ZSCAN29: variants seen among roughly 807,000 people sequenced by gnomAD.
ZSCAN29 encodes zinc finger and SCAN domain-containing protein 29.
In ZSCAN29, 55 loss-of-function variants were observed where a neutral mutation model predicts 71.9. That is an observed-to-expected ratio of 0.76 (90% CI 0.62 to 0.96). The LOEUF (loss-of-function observed/expected upper bound fraction) is 0.96. Among genes scored for constraint, ZSCAN29 ranks in the 40% least tolerant of loss-of-function variants. The pLI, the probability that ZSCAN29 is intolerant of heterozygous loss-of-function variation, is 0.00. For missense variants in ZSCAN29, 1,042 were observed against 1,042.2 expected (o/e 1.00, Z 0.00); for synonymous variants, 351 against 371.6 (o/e 0.94, Z 0.64).
rs2044066370 is a variant in ZSCAN29, at chr15:43,368,942, G to C, written c.504C>G (p.Leu168=). ...PQEQMNPKEK[L]KPFQRSGLPF... is the part of the protein sequence containing the mutation. ...CCTCACCGCTCCTTTGAAAAGGTTT[G>C]AGCTTCTCCTTTGGGTTCATCTGCT... is the stretch of plus-strand genomic sequence containing the variant. Residue 168 remains leucine (L), a synonymous_variant, in exon 3 of 6, where the codon CTC becomes CTG. Transcript: ENST00000684362. The C allele has an allele frequency of 6.2e-7, 1 of 1,607,676 alleles. No homozygotes were observed. Among genetic ancestry groups the C allele is most frequent in the African/African-American group, 1.3e-5 (1 of 74,652 alleles).
At position 43,368,453 on chromosome 15, in the gene ZSCAN29, G is replaced by A. The variant is rs1197446892; in HGVS notation, c.523+470C>T. 3.5e-5 allele frequency among the ~76,000 whole-genome samples: 2 copies of A among 56,948 alleles called. 1 individual carries two copies. The highest frequency in any genetic ancestry group is 1.2e-3 in the East Asian group (2 of 1,736). 37.4% of individuals were successfully genotyped at this position (56,948 alleles called of 152,430 possible). A position where few individuals can be genotyped will look rare whatever the true frequency, so the allele number is the denominator to read the frequency against. On this transcript the variant is annotated intron_variant, in intron 3 of 5. Coordinates refer to ENST00000684362, the MANE Select transcript of ZSCAN29 (RefSeq NM_001372080.1). ...AGGCAGGAGAATGGCGTGAACCCGG[G>A]AGGCGGAGCTTGCAGTGAGCCGAGA... is the stretch of plus-strand genomic sequence containing the variant.
intron 4 of ZSCAN29, among the ~76,000 whole-genome samples, chr15:43,365,754 CAATA>C (rs2044030047): frequency 1.1e-5 from 1 of 88,126 alleles, no homozygotes; most frequent in Admixed American, 1.0e-4. Flanking sequence ...ATGACATACT[CAATA>C]AACACTGGTT....
At position 43,366,274 on chromosome 15, in the gene ZSCAN29, A is replaced by G. The variant is rs557927379; in HGVS notation, c.1058T>C (p.Val353Ala). The G allele has an allele frequency of 1.1e-4, 171 of 1,613,132 alleles. No homozygotes were observed. The Admixed American group carries it at 2.8e-3, about 26-fold the overall frequency. The change falls in exon 4 of 6, where the codon GTA becomes GCA. Residue 353 changes from valine to alanine, a missense_variant. Transcript: ENST00000684362. ...LEAAASHSGL[V>A]GSDAETEEPG... ...CTCTTCAGTCTCAGCATCGCTGCCT[A>G]CCAGGCCAGAGTGAGAGGCTGCTGC... is the stretch of plus-strand genomic sequence containing the variant.
At chr15:43,369,476 A>T (rs1197632011) in intron 2 of ZSCAN29, 120 bp downstream of exon 2, 2 of 1,160,094 alleles carry the variant, frequency 1.7e-6, no homozygotes, top group Non-Finnish European at 2.4e-6. Flanking sequence ...TACCTATACC[A>T]GACCAGAAGT....
rs10708474 is a variant in ZSCAN29 at position 43,362,994 on chromosome 15, C to CT, written c.1690+920dup. Among the ~76,000 whole-genome samples, 792 of 145,958 alleles carry CT rather than the reference C, an allele frequency of 5.4e-3. 4 individuals are homozygous for CT. The highest frequency in any genetic ancestry group is 0.013 in the African/African-American group (516 of 40,096). ...ATAAGCAAACTTGGGGGTTAAGTAA[C>CT]TTTTTTTTTTTTTTCATTCGTTGCC... On this transcript the variant is annotated intron_variant, in intron 5 of 5. Transcript: ENST00000684362.
chr15:43,365,986 GAGA>G, intron 4 of ZSCAN29, 121 bp downstream of exon 4: 1 of 863,808 alleles, frequency 1.2e-6, no homozygotes, highest in South Asian at 1.8e-5. Context: ...ACAAAGAATG[GAGA>G]AGCACTTCTT....
Position 43,360,100 on chromosome 15 carries a change from G to T in ZSCAN29, c.*973C>A, listed in dbSNP as rs1030035235. 9 of 152,352 alleles carry T rather than the reference G, an allele frequency of 5.9e-5. No homozygotes were observed. Among genetic ancestry groups the T allele is most frequent in the African/African-American group, 1.7e-4 (7 of 41,574 alleles). 9.4% of individuals were successfully genotyped at this position (152,352 alleles called of 1,614,324 possible). ...GCAGTGGCTCACACCTGTAATCCCA[G>T]CACTTTGGGAGACCTAGGCAGGCAG... On this transcript the variant is annotated 3_prime_UTR_variant, in exon 6 of 6. Coordinates refer to ENST00000684362, the MANE Select transcript of ZSCAN29 (RefSeq NM_001372080.1).
intron 5 of ZSCAN29, among the ~76,000 whole-genome samples, chr15:43,362,227 C>T (rs1334020838): frequency 6.6e-6 from 1 of 152,090 alleles, no homozygotes; most frequent in Non-Finnish European, 1.5e-5. Context: ...TGGAAAATCA[C>T]CAGGTTTTAG....
chr15:43,367,570 A>T (rs925896032), intron 3 of ZSCAN29, among the ~76,000 whole-genome samples: 1 of 152,206 alleles, frequency 6.6e-6, no homozygotes, highest in African/African-American at 2.4e-5. Context: ...CACTCTGACA[A>T]ACCCATACGG....
intron 2 of ZSCAN29, 77 bp downstream of exon 2, chr15:43,369,517 CTT>C: frequency 6.8e-7 from 1 of 1,474,984 alleles, no homozygotes; most frequent in Non-Finnish European, 9.2e-7. Context: ...CTGTGTCCCT[CTT>C]TAAGCCTGTC....
chr15:43,361,738 C>T lies in ZSCAN29; in HGVS notation c.1894G>A (p.Glu632Lys). 1 of 1,614,174 alleles carries T rather than the reference C, an allele frequency of 6.2e-7. No individual in the cohort carries two copies. Among genetic ancestry groups the T allele is most frequent in the Non-Finnish European group, 8.5e-7 (1 of 1,180,032 alleles). ...CTTAGGACTTCACTTAAGCTCTTCT[C>T]CGGGAGTGTCAGTTTTCCTCTTTTC... ...GEKRGKLTLP[E>K]KSLSEVLSQQ... Residue 632 changes from glutamate to lysine, a missense_variant, in exon 6 of 6, where the codon GAG becomes AAG. Coordinates refer to ENST00000684362, the MANE Select transcript of ZSCAN29 (RefSeq NM_001372080.1).
chr15:43,364,012 C>G lies in ZSCAN29; in HGVS notation c.1593G>C (p.Glu531Asp). Reference sequence around the variant, plus strand: ...CATCATCAGAATCTTCCTCTGTGGCCTCGTCTGCTTCCTCAGCTTGCTTCT... The same window carrying G: ...CATCATCAGAATCTTCCTCTGTGGCGTCGTCTGCTTCCTCAGCTTGCTTCT... ...EAQKQAEEAD[E>D]ATEEDSDDDE... Residue 531 changes from glutamate (E) to aspartate (D), a missense_variant, in exon 5 of 6, where the codon GAG becomes GAC. By Grantham distance (45) the Glu-to-Asp change is conservative (BLOSUM62 2). Coordinates refer to ENST00000684362, the MANE Select transcript of ZSCAN29 (RefSeq NM_001372080.1). 1 of 1,614,184 alleles carries G rather than the reference C, an allele frequency of 6.2e-7. No individual in the cohort carries two copies. The highest frequency in any genetic ancestry group is 1.1e-5 in the South Asian group (1 of 91,082).
In ZSCAN29 at chr15:43,369,906, G is replaced by A. The variant is rs1021267379; in HGVS notation, c.8C>T (p.Ala3Val). The A allele has an allele frequency of 1.9e-6, 3 of 1,597,326 alleles. No homozygotes were observed. The highest frequency in any genetic ancestry group is 1.7e-6 in the Non-Finnish European group (2 of 1,173,924). MM[A>V]KSALRENGTN... is the part of the protein sequence containing the mutation. ...GCCATTCTCTCTTAGAGCTGATTTG[G>A]CCATCATTAATAGCAGAATGCAGCT... is the stretch of plus-strand genomic sequence containing the variant. Residue 3 changes from alanine (A) to valine (V), a missense_variant, in exon 2 of 6, where the codon GCC becomes GTC. By Grantham distance (64) the Ala-to-Val change is moderately conservative. Transcript: ENST00000684362.
At position 43,364,163 on chromosome 15, in the gene ZSCAN29, G is replaced by A. The variant is rs1280013037; in HGVS notation, c.1442C>T (p.Pro481Leu). The change falls in exon 5 of 6, where the codon CCA (proline) becomes CTA (leucine). Residue 481 changes from proline (P) to leucine (L), a missense_variant. Coordinates refer to ENST00000684362, the MANE Select transcript of ZSCAN29 (RefSeq NM_001372080.1). ...CTCTTCAAAGAAGGGACAGGTCTCT[G>A]GTGCCTGGCCATTCTTAACTTTCCG... ...SYRKVKNGQA[P>L]ETCPFFEEMD... is the part of the protein sequence containing the mutation. 4 of 1,614,048 alleles carry A rather than the reference G, an allele frequency of 2.5e-6. No individual in the cohort carries two copies. In the East Asian group the frequency reaches 8.9e-5, roughly 36 times the overall value.
Position 43,361,389 on chromosome 15 carries a change from C to T in ZSCAN29, c.2243G>A (p.Ser748Asn). 1 of 1,614,044 alleles carries T rather than the reference C, an allele frequency of 6.2e-7. No individual in the cohort carries two copies. The highest frequency in any genetic ancestry group is 8.5e-7 in the Non-Finnish European group (1 of 1,179,992). ...GTGGGTTCTCTGGTGAATGATAAGGCTTGAGCTCTGATTGAAGCATTTCCC... is the reference window on the plus strand; with the variant it reads ...GTGGGTTCTCTGGTGAATGATAAGGTTTGAGCTCTGATTGAAGCATTTCCC... ...ECGKCFNQSS[S>N]LIIHQRTHTG... The change falls in exon 6 of 6, where the codon AGC becomes AAC. Residue 748 changes from serine to asparagine, a missense_variant. Coordinates refer to ENST00000684362, the MANE Select transcript of ZSCAN29 (RefSeq NM_001372080.1).
At chr15:43,362,179 G>A (rs1288430065) in intron 5 of ZSCAN29, among the ~76,000 whole-genome samples, 1 of 151,968 alleles carries the variant, frequency 6.6e-6, no homozygotes, top group Non-Finnish European at 1.5e-5. Flanking sequence ...ATTCCTCTTG[G>A]TCATCTAGGA....
At position 43,370,945 on chromosome 15, in the gene ZSCAN29, C is replaced by T. The variant is rs2044101165; in HGVS notation, c.-500G>A. The T allele has an allele frequency of 3.0e-5, 7 of 230,584 alleles. No homozygotes were observed. The South Asian group carries it at 3.6e-4, about 12-fold the overall frequency. The allele number at this position is 230,584 out of a possible 1,614,324, so 14.3% of individuals were successfully genotyped here. A position where few individuals can be genotyped will look rare whatever the true frequency, so the allele number is the denominator to read the frequency against. Reference sequence around the variant, plus strand: ...ACCCCCTCGCATCCTTGCCTCCGGGCCAGCCTCACCCACTCGGGGTCCGAC... The same window carrying T: ...ACCCCCTCGCATCCTTGCCTCCGGGTCAGCCTCACCCACTCGGGGTCCGAC... On this transcript the variant is annotated 5_prime_UTR_variant, in exon 1 of 6. Coordinates refer to ENST00000684362, the MANE Select transcript of ZSCAN29 (RefSeq NM_001372080.1).
chr15:43,369,534 T>C, intron 2 of ZSCAN29, 62 bp downstream of exon 2: 1 of 1,527,040 alleles, frequency 6.5e-7, no homozygotes, highest in East Asian at 2.3e-5. Context: ...CCTGTCTATA[T>C]CTTAATTTAG....
At position 43,361,216 on chromosome 15, in the gene ZSCAN29, G is replaced by GT; in HGVS notation, c.2415dup (p.Arg806ThrfsTer5). The stretch of plus-strand genomic sequence containing the variant: ...CCTGTGTGGGTTCTATGATGTGCAC[G>GT]TAAGTCAGAACTCTTACTGAAACTC... On this transcript the variant is annotated frameshift_variant, in exon 6 of 6. Coordinates refer to ENST00000684362, the MANE Select transcript of ZSCAN29 (RefSeq NM_001372080.1). LOFTEE classifies it high-confidence loss of function. 3 of 1,613,146 alleles carry GT rather than the reference G, an allele frequency of 1.9e-6. No homozygotes were observed. Among genetic ancestry groups the GT allele is most frequent in the East Asian group, 2.2e-5 (1 of 44,826 alleles).
Sources: allele counts gnomAD v4.1 joint callset (sites outside exome capture counted in the v4.1 genomes callset), GRCh38; gene constraint gnomAD v4.1.1; transcripts MANE v1.5; gene names NCBI Gene and HGNC (gene_info 2026-07-23, HGNC 2026-07-21).